Variants in ASIC2 observed in about 807,000 individuals in gnomAD.
The protein encoded by ASIC2 is acid sensing ion channel subunit 2.
A neutral mutation model predicts 57.3 loss-of-function variants in ASIC2; 25 were observed. That is an observed-to-expected ratio of 0.44 (90% CI 0.32 to 0.61). The LOEUF (loss-of-function observed/expected upper bound fraction) is 0.61. Among genes scored for constraint, ASIC2 ranks in the 20% least tolerant of loss-of-function variants. The probability of loss-of-function intolerance (pLI) is 0.06; values close to 1 mark genes in which losing one functional copy is unlikely to be tolerated. For missense variants in ASIC2, 641 were observed against 738.1 expected (o/e 0.87, Z 1.52); for synonymous variants, 319 against 307.5 (o/e 1.04, Z -0.39).
chr17:33,680,059 T>C (rs1315549386), intron 1 of ASIC2, among the ~76,000 whole-genome samples: 2 of 152,098 alleles, frequency 1.3e-5, no homozygotes, highest in Non-Finnish European at 2.9e-5. Context: ...TGGGGGACCT[T>C]TGACGGTCAG....
chr17:33,343,452 A>T (rs2142239712), intron 1 of ASIC2, among the ~76,000 whole-genome samples: 1 of 152,230 alleles, frequency 6.6e-6, no homozygotes, highest in East Asian at 1.9e-4. Flanking sequence ...CCACTCCCTG[A>T]TGCCTGTCAT....
At chr17:33,760,620 T>TATAC (rs1910752672) in intron 1 of ASIC2, among the ~76,000 whole-genome samples, 1 of 151,736 alleles carries the variant, frequency 6.6e-6, no homozygotes. Flanking sequence ...TATATATATA[T>TATAC]ACATACACAC....
intron 1 of ASIC2, among the ~76,000 whole-genome samples, chr17:33,490,840 AATC>A (rs1271887909): frequency 2.0e-5 from 3 of 152,188 alleles, no homozygotes; most frequent in Non-Finnish European, 4.4e-5. Flanking sequence ...TCTTAGGTCA[AATC>A]ATCTGGCATT....
chr17:33,029,776 T>TAC (rs1483539916), intron 3 of ASIC2, among the ~76,000 whole-genome samples: 2 of 152,256 alleles, frequency 1.3e-5, no homozygotes, highest in African/African-American at 4.8e-5. Context: ...CTCATTACTC[T>TAC]ACATCCATGC....
At chr17:33,458,152 C>A (rs1325704880) in intron 1 of ASIC2, among the ~76,000 whole-genome samples, 1 of 152,104 alleles carries the variant, frequency 6.6e-6, no homozygotes, top group African/African-American at 2.4e-5. Flanking sequence ...ACGGAGGAAA[C>A]AGCCTGATAG....
At chr17:33,750,310 G>A (rs965668717) in intron 1 of ASIC2, among the ~76,000 whole-genome samples, 11 of 152,264 alleles carry the variant, frequency 7.2e-5, no homozygotes, top group African/African-American at 2.6e-4. Context: ...ATCCTTAAAT[G>A]AACAGATTGC....
At chr17:34,022,264 G>A (rs1161857811) in intron 1 of ASIC2, among the ~76,000 whole-genome samples, 1 of 152,120 alleles carries the variant, frequency 6.6e-6, no homozygotes, top group East Asian at 1.9e-4. Context: ...TGCACTTGCA[G>A]TTCCCAGCAT....
chr17:33,980,559 G>A (rs1456648873), intron 1 of ASIC2, among the ~76,000 whole-genome samples: 1 of 152,174 alleles, frequency 6.6e-6, no homozygotes, highest in Non-Finnish European at 1.5e-5. Context: ...TGGGTAGGTT[G>A]AGGCAACAGG....
chr17:33,289,088 AC>A (rs1309894781), intron 1 of ASIC2, among the ~76,000 whole-genome samples: 4 of 152,168 alleles, frequency 2.6e-5, no homozygotes, highest in African/African-American at 9.7e-5. Context: ...GGAAAAACCT[AC>A]AGCATGCAAC....
At chr17:34,120,932 G>T (rs1911599685) in intron 1 of ASIC2, among the ~76,000 whole-genome samples, 2 of 151,580 alleles carry the variant, frequency 1.3e-5, no homozygotes, top group African/African-American at 4.9e-5. Context: ...CAGAGACAGG[G>T]TTTTACCATG....
chr17:33,578,840 G>A (rs1380728838), intron 1 of ASIC2, among the ~76,000 whole-genome samples: 2 of 152,168 alleles, frequency 1.3e-5, no homozygotes, highest in Non-Finnish European at 2.9e-5. Context: ...ATTAAACTGT[G>A]GAGCTAAACA....
intron 1 of ASIC2, among the ~76,000 whole-genome samples, chr17:34,111,641 C>T (rs56328684): frequency 0.027 from 4,129 of 152,252 alleles, 192 homozygotes; most frequent in African/African-American, 0.093. Flanking sequence ...GGCTAAGTGA[C>T]TTACCTGATA....
chr17:34,017,558 C>T (rs553519015), intron 1 of ASIC2, among the ~76,000 whole-genome samples: 1 of 152,342 alleles, frequency 6.6e-6, no homozygotes, highest in Admixed American at 6.5e-5. Flanking sequence ...AAAGCTAGTC[C>T]TCTTGCACCA....
chr17:34,099,278 GA>G (rs981536553), intron 1 of ASIC2, among the ~76,000 whole-genome samples: 2 of 121,718 alleles, frequency 1.6e-5, no homozygotes, highest in African/African-American at 3.8e-5. Context: ...AAAGAGGAAA[GA>G]AAAGAAAGGA....
rs555042461 is a variant in ASIC2, at chr17:34,145,377, G to A, written c.555+10601C>T. On this transcript the variant is annotated intron_variant, in intron 1 of 9. Transcript: ENST00000359872. ...CTATCTGCCAATGTCCCTCACCTCT[G>A]ACCCCAACTATCTGTGCAGGAAGGA... 2.9e-4 allele frequency among the ~76,000 whole-genome samples: 44 copies of A among 152,172 alleles called. 1 individual carries two copies. In the South Asian group the frequency reaches 8.7e-3, roughly 30 times the overall value.
intron 1 of ASIC2, among the ~76,000 whole-genome samples, chr17:33,933,663 AT>A (rs1223039572): frequency 6.6e-6 from 1 of 152,194 alleles, no homozygotes; most frequent in East Asian, 1.9e-4. Flanking sequence ...AGGGAAGAAA[AT>A]AAAACCAAGA....
rs116457011 is a variant in ASIC2, at chr17:33,857,486, G to A, written c.555+298492C>T. ...AACCTCAACACCTAGACCCCTTTCCGCTCAGGATGAAGGGAAGAGAAGAAG... is the reference window on the plus strand; with the variant it reads ...AACCTCAACACCTAGACCCCTTTCCACTCAGGATGAAGGGAAGAGAAGAAG... On this transcript the variant is annotated intron_variant, in intron 1 of 9. Coordinates refer to the ASIC2 transcript ENST00000359872. 3.9e-3 allele frequency among the ~76,000 whole-genome samples: 594 copies of A among 152,226 alleles called. 6 individuals carry two copies. Among genetic ancestry groups the A allele is most frequent in the African/African-American group, 0.013 (534 of 41,530 alleles).
intron 1 of ASIC2, among the ~76,000 whole-genome samples, chr17:33,481,806 C>T (rs529524051): frequency 2.7e-4 from 41 of 152,170 alleles, no homozygotes; most frequent in Admixed American, 7.2e-4. Context: ...TGGCCTTGAA[C>T]GAGCTGCCTC....
At chr17:33,502,272 G>A (rs1224102240) in intron 1 of ASIC2, among the ~76,000 whole-genome samples, 4 of 152,152 alleles carry the variant, frequency 2.6e-5, no homozygotes, top group African/African-American at 9.7e-5. Context: ...CATTAAGGGG[G>A]CATGCCCTCT....
Sources: allele counts gnomAD v4.1 joint callset (sites outside exome capture counted in the v4.1 genomes callset), GRCh38; gene constraint gnomAD v4.1.1; transcripts MANE v1.5; gene names NCBI Gene and HGNC (gene_info 2026-07-23, HGNC 2026-07-21).